The following YES1 variants were observed in gnomAD, a reference collection of about 807,000 sequenced individuals.
YES1 encodes tyrosine-protein kinase Yes.
A neutral mutation model predicts 70.4 loss-of-function variants in YES1; 39 were observed. The observed-to-expected ratio is 0.55, with a 90% CI of 0.43 to 0.72. The LOEUF (loss-of-function observed/expected upper bound fraction) is 0.72, where lower values mean the gene tolerates loss of function less well. YES1 is among the 30% of genes least tolerant of loss of function. The pLI, the probability that YES1 is intolerant of heterozygous loss-of-function variation, is 0.00. For synonymous variants in YES1, 198 were observed against 218.6 expected (o/e 0.91, Z 0.83); for missense variants, 495 against 644.8 (o/e 0.77, Z 2.52).
chr18:782,783 C>T lies in YES1; in HGVS notation c.-8-25948G>A, dbSNP rs534203675. Among the ~76,000 whole-genome samples the T allele has an allele frequency of 2.0e-5, 3 of 152,314 alleles. No homozygotes were observed. The Middle Eastern group carries it at 0.01, about 518-fold the overall frequency. On this transcript the variant is annotated intron_variant, in intron 1 of 11. Coordinates refer to ENST00000314574, the MANE Select transcript of YES1 (RefSeq NM_005433.4). ...AATCTCGGCTCACTGCAACCTCCAC[C>T]TCCTGGGTTCAAGTGATTCTTGTGC...
At position 736,799 on chromosome 18, in the gene YES1, T is replaced by C. The variant is rs1269712652; in HGVS notation, c.1291+9A>G. The C allele has an allele frequency of 2.5e-6, 4 of 1,608,372 alleles. No individual in the cohort carries two copies. Among genetic ancestry groups the C allele is most frequent in the Non-Finnish European group, 3.4e-6 (4 of 1,178,744 alleles). Reference sequence around the variant, plus strand: ...CACATTACAAGCTTTTATGTAAAAGTAATTTTACCTTGTCTTGCTGTGTAT... The same window carrying C: ...CACATTACAAGCTTTTATGTAAAAGCAATTTTACCTTGTCTTGCTGTGTAT... On this transcript the variant is annotated intron_variant, in intron 10 of 11. Coordinates refer to ENST00000314574, the MANE Select transcript of YES1 (RefSeq NM_005433.4).
rs148810315 is a variant in YES1, at chr18:741,142, C to T, written c.1061-1331G>A. On this transcript the variant is annotated intron_variant, in intron 8 of 11. Coordinates refer to ENST00000314574, the MANE Select transcript of YES1 (RefSeq NM_005433.4). Reference sequence around the variant, plus strand: ...CGAACTCCTGACCTCAAGTGATCTGCCTGCCTCGGCCTCCCAAAGCGCTGG... The same window carrying T: ...CGAACTCCTGACCTCAAGTGATCTGTCTGCCTCGGCCTCCCAAAGCGCTGG... Among the ~76,000 whole-genome samples, 318 of 152,330 alleles carry T rather than the reference C, an allele frequency of 2.1e-3. 2 individuals carry two copies. Among genetic ancestry groups the T allele is most frequent in the African/African-American group, 7.2e-3 (301 of 41,582 alleles).
intron 1 of YES1, among the ~76,000 whole-genome samples, chr18:800,451 A>ATAAACTGTTAGAGT (rs1469597155): frequency 6.6e-6 from 1 of 152,220 alleles, no homozygotes; most frequent in Non-Finnish European, 1.5e-5. Context: ...TAAAGACTTA[A>ATAAACTGTTAGAGT]TAAACTGTTA....
intron 1 of YES1, among the ~76,000 whole-genome samples, chr18:781,128 G>C (rs1427226199): frequency 2.0e-5 from 3 of 152,024 alleles, no homozygotes; most frequent in African/African-American, 7.2e-5. Flanking sequence ...AATTAACTGG[G>C]AGTGGTGGCA....
chr18:732,723 G>A lies in YES1; in HGVS notation c.1423+111C>T. The A allele has an allele frequency of 2.9e-6, 4 of 1,376,958 alleles. No homozygotes were observed. The Admixed American group carries it at 7.1e-5, about 24-fold the overall frequency. 85.3% of individuals were successfully genotyped at this position (1,376,958 alleles called of 1,614,324 possible). On this transcript the variant is annotated intron_variant, in intron 11 of 11. Coordinates refer to ENST00000314574, the MANE Select transcript of YES1 (RefSeq NM_005433.4). ...AAGGAGTGGGGAGAGGGAGAGGCAG[G>A]GGGACTATGAGAAGAAATAAAGGCC...
chr18:768,966 G>A (rs1395223652), intron 1 of YES1, among the ~76,000 whole-genome samples: 2 of 152,074 alleles, frequency 1.3e-5, no homozygotes, highest in Non-Finnish European at 2.9e-5. Context: ...GCCTCCCGAA[G>A]TGCTGGGATA....
chr18:724,675 T>C, intron 11 of YES1, 43 bp from the exon 12 acceptor site: 3 of 1,535,492 alleles, frequency 2.0e-6, no homozygotes, highest in Non-Finnish European at 2.7e-6. Flanking sequence ...TGGTCCTAAC[T>C]ACCACTAGGA....
At chr18:761,444 G>A (rs1204403104) in intron 1 of YES1, among the ~76,000 whole-genome samples, 2 of 152,030 alleles carry the variant, frequency 1.3e-5, no homozygotes, top group Non-Finnish European at 2.9e-5. Flanking sequence ...ATTCTGATAG[G>A]AGGCCAACTC....
intron 1 of YES1, among the ~76,000 whole-genome samples, chr18:798,375 GACA>G (rs1356619063): frequency 6.6e-6 from 1 of 151,994 alleles, no homozygotes; most frequent in African/African-American, 2.4e-5. Flanking sequence ...TTCATCTTCT[GACA>G]ACATCCTAAG....
intron 1 of YES1, among the ~76,000 whole-genome samples, chr18:770,661 G>A (rs1905111949): frequency 6.6e-6 from 1 of 152,136 alleles, no homozygotes. Context: ...CAGGCAAAAA[G>A]CCAGGGTGGG....
intron 1 of YES1, among the ~76,000 whole-genome samples, chr18:802,943 A>G (rs1379817730): frequency 6.6e-6 from 1 of 151,980 alleles, no homozygotes; most frequent in Non-Finnish European, 1.5e-5. Flanking sequence ...AAAATAAAAA[A>G]CAGGCTGGGC....
intron 1 of YES1, among the ~76,000 whole-genome samples, chr18:799,799 G>A (rs1250943551): frequency 6.6e-6 from 1 of 152,040 alleles, no homozygotes; most frequent in African/African-American, 2.4e-5. Context: ...TACTTGGGAG[G>A]CTGAGGTGAG....
intron 2 of YES1, among the ~76,000 whole-genome samples, chr18:754,026 C>T (rs2080375564): frequency 6.6e-6 from 1 of 152,152 alleles, no homozygotes; most frequent in Non-Finnish European, 1.5e-5. Flanking sequence ...TCATTTCTCA[C>T]AGGGACTGGG....
intron 1 of YES1, among the ~76,000 whole-genome samples, chr18:803,539 T>A (rs553932088): frequency 6.6e-6 from 1 of 152,366 alleles, no homozygotes; most frequent in South Asian, 2.1e-4. Context: ...TACCTCATAC[T>A]GTCCTATAGG....
chr18:809,773 A>C (rs1598953615), intron 1 of YES1, among the ~76,000 whole-genome samples: 1 of 151,792 alleles, frequency 6.6e-6, no homozygotes, highest in East Asian at 1.9e-4. Context: ...TTAAAAAAAC[A>C]ACAACAAATT....
chr18:726,061 A>G (rs976443802), intron 11 of YES1, among the ~76,000 whole-genome samples: 5 of 152,206 alleles, frequency 3.3e-5, no homozygotes, highest in African/African-American at 1.2e-4. Context: ...ATTGACTGTT[A>G]GGATTAAGCA....
chr18:785,093 GAAT>G (rs1355992972), intron 1 of YES1, among the ~76,000 whole-genome samples: 3 of 151,832 alleles, frequency 2.0e-5, no homozygotes, highest in African/African-American at 7.3e-5. Flanking sequence ...CCAACCCTTT[GAAT>G]GTGAGGACTA....
At chr18:770,863 G>T (rs1905120054) in intron 1 of YES1, among the ~76,000 whole-genome samples, 1 of 152,154 alleles carries the variant, frequency 6.6e-6, no homozygotes, top group Non-Finnish European at 1.5e-5. Context: ...ATTCTGAAAA[G>T]TTGCCAGAGT....
intron 10 of YES1, among the ~76,000 whole-genome samples, chr18:733,739 C>T (rs1039296031): frequency 2.5e-4 from 31 of 123,512 alleles, no homozygotes; most frequent in East Asian, 2.6e-4. Flanking sequence ...GCTGAGATTG[C>T]GCCACTGCAC....
Sources: allele counts gnomAD v4.1 joint callset (sites outside exome capture counted in the v4.1 genomes callset), GRCh38; gene constraint gnomAD v4.1.1; transcripts MANE v1.5; gene names NCBI Gene and HGNC (gene_info 2026-07-23, HGNC 2026-07-21).